Variants in KNL1 observed in about 807,000 individuals in gnomAD.
KNL1 encodes outer kinetochore KNL1 complex subunit KNL1.
In KNL1, 66 loss-of-function variants were observed where a neutral mutation model predicts 201.3. The observed-to-expected ratio is 0.33, with a 90% CI of 0.27 to 0.40. KNL1 has a LOEUF of 0.40. Among genes scored for constraint, KNL1 ranks in the 10% least tolerant of loss-of-function variants. KNL1 has a pLI of 1.00. For missense variants in KNL1, 2,815 were observed against 2,690.5 expected, an observed-to-expected ratio of 1.05 and a Z score of -1.02; for synonymous variants, 895 against 899.2, an observed-to-expected ratio of 1.00 and a Z score of 0.08.
chr15:40,609,624 C>G (rs1730863399), intron 5 of KNL1, among the ~76,000 whole-genome samples: 1 of 152,102 alleles, frequency 6.6e-6, no homozygotes, highest in Non-Finnish European at 1.5e-5. Flanking sequence ...TTTATAATCA[C>G]TGTTCTAGCT....
chr15:40,648,322 C>CT (rs1434150651), intron 17 of KNL1, among the ~76,000 whole-genome samples: 1 of 152,148 alleles, frequency 6.6e-6, no homozygotes, highest in African/African-American at 2.4e-5. Flanking sequence ...GTCCTAGCTA[C>CT]TTGGGAGGCT....
chr15:40,618,984 C>A lies in KNL1; in HGVS notation c.348C>A (p.Pro116=). ...GGATGAACACATTGCTTTCTGCTCC[C>A]ATTCATACCCAGATGCAACAGAAGG... is the stretch of plus-strand genomic sequence containing the variant. ...ITGMNTLLSA[P]IHTQMQQKEF... is the part of the protein sequence containing the mutation. The change falls in exon 9 of 26, where the codon CCC becomes CCA. Residue 116 remains proline, a synonymous_variant. Transcript: ENST00000399668. 6.2e-7 allele frequency: 1 copy of A among 1,606,738 alleles called. No homozygotes were observed. Among genetic ancestry groups the A allele is most frequent in the Non-Finnish European group, 8.5e-7 (1 of 1,174,238 alleles).
chr15:40,621,640 A>T lies in KNL1; in HGVS notation c.1376A>T (p.Tyr459Phe), dbSNP rs777418464. 2 of 1,612,654 alleles carry T rather than the reference A, an allele frequency of 1.2e-6. No individual in the cohort carries two copies. The highest frequency in any genetic ancestry group is 2.7e-5 in the African/African-American group (2 of 74,872). The change falls in exon 10 of 26, where the codon TAT (tyrosine) becomes TTT (phenylalanine). Residue 459 changes from tyrosine to phenylalanine, a missense_variant. Transcript: ENST00000399668. ...AATTTGCTAAAGCATGACAGTAATT[A>T]TGCTAAAATGTATTGCAATCCAGAT... ...EKNLLKHDSN[Y>F]AKMYCNPDAM...
Position 40,621,494 on chromosome 15 carries a change from C to G in KNL1, c.1230C>G (p.Ala410=), listed in dbSNP as rs1453769881. 6.2e-7 allele frequency: 1 copy of G among 1,613,900 alleles called. No individual in the cohort carries two copies. The highest frequency in any genetic ancestry group is 1.1e-5 in the South Asian group (1 of 91,070). The change falls in exon 10 of 26, where the codon GCC becomes GCG. Residue 410 remains alanine (A), a synonymous_variant. Coordinates refer to ENST00000399668, the MANE Select transcript of KNL1 (RefSeq NM_144508.5). ...GTAATCAGGATGCCAGAATATTAGC[C>G]ATGACCCCAGAATCTATATATTCTA... The part of the protein sequence containing the change: ...QTCNQDARIL[A]MTPESIYSNP...
Position 40,625,487 on chromosome 15 carries a change from A to G in KNL1, c.5223A>G (p.Thr1741=). ...CTGAGGAAAAGGCCTTGATTGAGAC[A>G]TACCAAAAAGAGATTTCACCATATG... is the stretch of plus-strand genomic sequence containing the variant. The part of the protein sequence containing the change: ...IETEEKALIE[T]YQKEISPYEN... The change falls in exon 10 of 26, where the codon ACA becomes ACG. Residue 1741 remains threonine, a synonymous_variant. Coordinates refer to ENST00000399668, the MANE Select transcript of KNL1 (RefSeq NM_144508.5). The G allele has an allele frequency of 2.5e-6, 4 of 1,613,650 alleles. No individual in the cohort carries two copies. The highest frequency in any genetic ancestry group is 2.5e-6 in the Non-Finnish European group (3 of 1,179,920).
chr15:40,595,660 C>T (rs903924356), intron 1 of KNL1, among the ~76,000 whole-genome samples: 5 of 152,154 alleles, frequency 3.3e-5, no homozygotes, highest in African/African-American at 1.2e-4. Flanking sequence ...AACAGGGCTT[C>T]CTGTGAAAAT....
chr15:40,601,400 A>T (rs989852718), intron 1 of KNL1, among the ~76,000 whole-genome samples: 4 of 152,218 alleles, frequency 2.6e-5, no homozygotes, highest in African/African-American at 7.2e-5. Context: ...TTATTAAATA[A>T]TCTGCAAACT....
At position 40,624,637 on chromosome 15, in the gene KNL1, G is replaced by A. The variant is rs898284272; in HGVS notation, c.4373G>A (p.Ser1458Asn). Residue 1458 changes from serine to asparagine, a missense_variant, in exon 10 of 26, where the codon AGT becomes AAT. By Grantham distance (46) the Ser-to-Asn change is conservative (BLOSUM62 1). This residue lies in a region of KNL1 where 2,464 missense variants were observed against 2,291.7 expected (regional missense o/e 1.08). Transcript: ENST00000399668. ...DQPPLPKKGQSSINKEEVILS... is the reference protein window; with the variant it reads ...DQPPLPKKGQNSINKEEVILS... ...CCTCCATTACCTAAAAAAGGACAGA[G>A]TAGTATCAATAAAGAAGAAGTAATA... 1 of 1,613,864 alleles carries A rather than the reference G, an allele frequency of 6.2e-7. No individual in the cohort carries two copies. Among genetic ancestry groups the A allele is most frequent in the Non-Finnish European group, 8.5e-7 (1 of 1,179,864 alleles).
At chr15:40,655,441 A>G (rs1893694661) in intron 22 of KNL1, among the ~76,000 whole-genome samples, 1 of 151,592 alleles carries the variant, frequency 6.6e-6, no homozygotes, top group Admixed American at 6.6e-5. Flanking sequence ...AAATACAGAA[A>G]TTAGTTGGGC....
In KNL1 at chr15:40,620,643, T is replaced by C. The variant is rs1336581309; in HGVS notation, c.379T>C (p.Ser127Pro). ...IHTQMQQKEF[S>P]IIEHTRERKH... The stretch of plus-strand genomic sequence containing the variant: ...TTATATTTTGCTTTCATTATAGTTT[T>C]CAATTATAGAACATACCCGTGAAAG... The change falls in exon 10 of 26, where the codon TCA becomes CCA. Residue 127 changes from serine (S) to proline (P), a missense_variant. Transcript: ENST00000399668. 3 of 1,549,474 alleles carry C rather than the reference T, an allele frequency of 1.9e-6. No homozygotes were observed. The highest frequency in any genetic ancestry group is 2.6e-6 in the Non-Finnish European group (3 of 1,152,100).
At chr15:40,653,135 G>A (rs541711006) in intron 21 of KNL1, among the ~76,000 whole-genome samples, 41 of 151,876 alleles carry the variant, frequency 2.7e-4, no homozygotes, top group African/African-American at 7.2e-4. Context: ...TTTCTCCCTC[G>A]CTGTACATAT....
In KNL1 at chr15:40,624,476, A is replaced by C; in HGVS notation, c.4212A>C (p.Leu1404Phe). 6.2e-7 allele frequency: 1 copy of C among 1,613,832 alleles called. No homozygotes were observed. The highest frequency in any genetic ancestry group is 1.1e-5 in the South Asian group (1 of 91,082). Residue 1404 changes from leucine (L) to phenylalanine (F), a missense_variant, in exon 10 of 26, where the codon TTA (leucine) becomes TTC (phenylalanine). Physicochemically the swap from Leu to Phe is conservative, Grantham distance 22 (BLOSUM62 0). This residue lies in a region of KNL1 where 2,464 missense variants were observed against 2,291.7 expected (regional missense o/e 1.08). Coordinates refer to ENST00000399668, the MANE Select transcript of KNL1 (RefSeq NM_144508.5). The part of the protein sequence containing the change: ...DPRNLLANQT[L>F]VYSQDLGEMT... ...GAAATCTATTGGCTAATCAAACTTT[A>C]GTATATAGTCAAGATCTGGGGGAGA...
At position 40,623,353 on chromosome 15, in the gene KNL1, T is replaced by G; in HGVS notation, c.3089T>G (p.Val1030Gly). The G allele has an allele frequency of 3.7e-6, 6 of 1,613,866 alleles. No homozygotes were observed. Among genetic ancestry groups the G allele is most frequent in the Non-Finnish European group, 5.1e-6 (6 of 1,179,902 alleles). Residue 1030 changes from valine to glycine, a missense_variant, in exon 10 of 26, where the codon GTA becomes GGA. Transcript: ENST00000399668. ...TCTAATAATAGGGGCCCTGTAGAGG[T>G]AGCTGATAACATGGAATTGTCTAAA... The part of the protein sequence containing the change: ...EWSNNRGPVE[V>G]ADNMELSKSA...
At chr15:40,606,526 A>G (rs914588800) in intron 4 of KNL1, 74 bp downstream of exon 4, 2 of 833,714 alleles carry the variant, frequency 2.4e-6, no homozygotes, top group Non-Finnish European at 4.1e-6. Context: ...TTTATTAGCT[A>G]TTTGAAGAGG....
At chr15:40,648,530 A>G (rs1893461945) in intron 17 of KNL1, among the ~76,000 whole-genome samples, 3 of 152,222 alleles carry the variant, frequency 2.0e-5, no homozygotes, top group South Asian at 2.1e-4. Context: ...CAATTCTTAT[A>G]CATTGTAAAA....
chr15:40,622,334 A>G lies in KNL1; in HGVS notation c.2070A>G (p.Ser690=), dbSNP rs1207989034. ...AAATAACTAATAGAAATACAGTATC[A>G]TGGGAACAATCTTTGTTTTCTACCA... ...DKQITNRNTV[S]WEQSLFSTTK... Residue 690 remains serine (S), a synonymous_variant, in exon 10 of 26, where the codon TCA becomes TCG. Coordinates refer to ENST00000399668, the MANE Select transcript of KNL1 (RefSeq NM_144508.5). The G allele has an allele frequency of 6.2e-7, 1 of 1,613,994 alleles. No homozygotes were observed. Among genetic ancestry groups the G allele is most frequent in the Non-Finnish European group, 8.5e-7 (1 of 1,179,898 alleles).
At chr15:40,608,288 A>G (rs1012403044) in intron 4 of KNL1, among the ~76,000 whole-genome samples, 5 of 152,118 alleles carry the variant, frequency 3.3e-5, no homozygotes, top group African/African-American at 1.2e-4. Flanking sequence ...AGCCTAGTCA[A>G]CATGGTGAAA....
chr15:40,634,975 A>G (rs1893013526), intron 13 of KNL1, among the ~76,000 whole-genome samples: 1 of 152,116 alleles, frequency 6.6e-6, no homozygotes, highest in Non-Finnish European at 1.5e-5. Context: ...ATCCCAAAAT[A>G]GGAAAAGGCC....
intron 13 of KNL1, among the ~76,000 whole-genome samples, chr15:40,629,940 A>G (rs1261577083): frequency 2.0e-5 from 3 of 151,198 alleles, no homozygotes; most frequent in African/African-American, 7.3e-5. Context: ...TTTTTTTGAT[A>G]CATTTTCCTG....
Sources: allele counts gnomAD v4.1 joint callset (sites outside exome capture counted in the v4.1 genomes callset), GRCh38; gene constraint gnomAD v4.1.1; regional missense constraint gnomAD v4.1.1; transcripts MANE v1.5; gene names NCBI Gene and HGNC (gene_info 2026-07-23, HGNC 2026-07-21).